The following DYNLT5 variants were observed in gnomAD, a reference collection of about 807,000 sequenced individuals.
DYNLT5 encodes the protein dynein light chain Tctex-type family member 5.
DYNLT5 carries 25 observed loss-of-function variants against 19.3 expected under a neutral mutation model. The observed-to-expected ratio is 1.30, with a 90% CI of 0.95 to 1.81. DYNLT5 has a LOEUF of 1.81. DYNLT5 is among the 40% of genes most tolerant of loss of function. DYNLT5 has a pLI of 0.00. For missense variants in DYNLT5, 232 were observed against 217.9 expected (o/e 1.06, Z -0.41); for synonymous variants, 82 against 68.9 (o/e 1.19, Z -0.94).
intron 2 of DYNLT5, among the ~76,000 whole-genome samples, chr1:66,760,234 C>T (rs528141717): frequency 6.6e-6 from 1 of 152,290 alleles, no homozygotes; most frequent in African/African-American, 2.4e-5. Flanking sequence ...TGTCTATTCT[C>T]TGTCTTGCCT....
At chr1:66,766,853 G>A (rs1460200655) in intron 2 of DYNLT5, among the ~76,000 whole-genome samples, 3 of 152,090 alleles carry the variant, frequency 2.0e-5, no homozygotes, top group Non-Finnish European at 4.4e-5. Flanking sequence ...GGCACAGAAA[G>A]CAATAGACTA....
intron 3 of DYNLT5, chr1:66,770,998 T>G (rs1444845907): frequency 1.2e-5 from 2 of 165,268 alleles, no homozygotes; most frequent in Admixed American, 1.2e-4. Context: ...AAATATCTTT[T>G]CCCATCCATG....
intron 2 of DYNLT5, among the ~76,000 whole-genome samples, chr1:66,764,473 G>C (rs1051163968): frequency 5.3e-5 from 8 of 152,212 alleles, no homozygotes; most frequent in Admixed American, 4.6e-4. Context: ...GAAATGGCTG[G>C]TCAGTGGAGA....
chr1:66,754,512 A>T, intron 1 of DYNLT5, 144 bp from the exon 2 acceptor site: 1 of 685,556 alleles, frequency 1.5e-6, no homozygotes, highest in Non-Finnish European at 2.1e-6. Context: ...AACAAATTCT[A>T]TATATTGCTC....
At chr1:66,767,815 C>T (rs1318174974) in intron 2 of DYNLT5, among the ~76,000 whole-genome samples, 1 of 152,170 alleles carries the variant, frequency 6.6e-6, no homozygotes, top group East Asian at 1.9e-4. Context: ...ATTCCAGTCA[C>T]AAAGAAGGGT....
intron 2 of DYNLT5, among the ~76,000 whole-genome samples, chr1:66,766,510 T>G (rs2094655555): frequency 6.6e-6 from 1 of 152,254 alleles, no homozygotes; most frequent in Non-Finnish European, 1.5e-5. Flanking sequence ...TATTCTGAAC[T>G]GATATTGGCA....
intron 1 of DYNLT5, 122 bp downstream of exon 1, chr1:66,752,706 T>C: frequency 1.8e-6 from 1 of 556,412 alleles, no homozygotes; most frequent in Non-Finnish European, 2.3e-6. Context: ...TTATTCCTCC[T>C]CTCCCCAACA....
Position 66,754,454 on chromosome 1 carries a change from A to G in DYNLT5, c.-3-202A>G, listed in dbSNP as rs113983763. Among the ~76,000 whole-genome samples, 1,061 of 152,310 alleles carry G rather than the reference A, an allele frequency of 7.0e-3. 10 individuals are homozygous for G. Among genetic ancestry groups the G allele is most frequent in the African/African-American group, 0.025 (1,021 of 41,558 alleles). ...TAAATAATTATACTATTGCATAAAT[A>G]AGCATTTTCAGAGTTATCATAGTTC... On this transcript the variant is annotated intron_variant, in intron 1 of 4. Coordinates refer to ENST00000282670, the MANE Select transcript of DYNLT5 (RefSeq NM_152665.3).
At chr1:66,772,667 A>G (rs559659948) in intron 3 of DYNLT5, among the ~76,000 whole-genome samples, 3 of 152,332 alleles carry the variant, frequency 2.0e-5, no homozygotes, top group South Asian at 2.1e-4. Flanking sequence ...ATTCCATTCA[A>G]TAATGTTTGC....
At chr1:66,768,437 A>T (rs1645181973) in intron 2 of DYNLT5, among the ~76,000 whole-genome samples, 1 of 152,218 alleles carries the variant, frequency 6.6e-6, no homozygotes, top group South Asian at 2.1e-4. Flanking sequence ...AAGGGCACTG[A>T]ACAAATTTAT....
At chr1:66,770,605 G>A (rs1396736177) in intron 3 of DYNLT5, 127 bp downstream of exon 3, 1 of 804,958 alleles carries the variant, frequency 1.2e-6, no homozygotes, top group East Asian at 2.5e-5. Flanking sequence ...TTAATGAATT[G>A]AGTGATTTGA....
intron 1 of DYNLT5, among the ~76,000 whole-genome samples, chr1:66,752,879 C>A (rs1200942895): frequency 6.6e-6 from 1 of 152,162 alleles, no homozygotes; most frequent in Non-Finnish European, 1.5e-5. Context: ...TGTGGCTGGC[C>A]GCACCCATGA....
Position 66,770,385 on chromosome 1 carries a change from A to G in DYNLT5, c.120-2A>G. 1.9e-6 allele frequency: 3 copies of G among 1,603,392 alleles called. No individual in the cohort carries two copies. The highest frequency in any genetic ancestry group is 2.7e-5 in the African/African-American group (2 of 74,746). ...AAAATTTGTTTTCTCCCTTGTTTTT[A>G]GTTCTATGAGTACTGTGTCTTATAT... On this transcript the variant is annotated splice_acceptor_variant, in intron 2 of 4. Transcript: ENST00000282670. LOFTEE classifies it high-confidence loss of function.
At chr1:66,758,960 A>G (rs1458970917) in intron 2 of DYNLT5, among the ~76,000 whole-genome samples, 1 of 152,188 alleles carries the variant, frequency 6.6e-6, no homozygotes, top group Admixed American at 6.6e-5. Flanking sequence ...TTGTATCACC[A>G]TGTATGTTAA....
At chr1:66,761,486 A>G (rs1245568901) in intron 2 of DYNLT5, among the ~76,000 whole-genome samples, 2 of 152,208 alleles carry the variant, frequency 1.3e-5, no homozygotes, top group Non-Finnish European at 2.9e-5. Flanking sequence ...TGGCAATATC[A>G]TAAAATAAGA....
intron 3 of DYNLT5, among the ~76,000 whole-genome samples, chr1:66,772,452 T>A (rs1645209357): frequency 6.6e-6 from 1 of 152,208 alleles, no homozygotes; most frequent in South Asian, 2.1e-4. Flanking sequence ...GGATCCACCT[T>A]CCTGGCCCCA....
At chr1:66,754,535 C>T in intron 1 of DYNLT5, 121 bp from the exon 2 acceptor site, 1 of 1,031,290 alleles carries the variant, frequency 9.7e-7, no homozygotes, top group South Asian at 2.5e-5. Context: ...GAGGAAACCC[C>T]ACTTTCCTGT....
At chr1:66,774,575 C>A (rs754086544) in intron 3 of DYNLT5, among the ~76,000 whole-genome samples, 1 of 152,180 alleles carries the variant, frequency 6.6e-6, no homozygotes, top group Non-Finnish European at 1.5e-5. Flanking sequence ...CAGTGGGAAA[C>A]CTCAGCTGAG....
chr1:66,764,522 T>G (rs6695554), intron 2 of DYNLT5, among the ~76,000 whole-genome samples: 32,896 of 152,144 alleles, frequency 0.22, 4,263 homozygotes, highest in African/African-American at 0.37. Flanking sequence ...TAAGTCAGCT[T>G]CTTTATATGG....
Sources: allele counts gnomAD v4.1 joint callset (sites outside exome capture counted in the v4.1 genomes callset), GRCh38; gene constraint gnomAD v4.1.1; transcripts MANE v1.5; gene names NCBI Gene and HGNC (gene_info 2026-07-23, HGNC 2026-07-21).